FOCAD: variants seen among roughly 807,000 people sequenced by gnomAD.
FOCAD encodes the protein KIAA1797.
A neutral mutation model predicts 225.6 loss-of-function variants in FOCAD; 198 were observed. The observed-to-expected ratio is 0.88, with a 90% CI of 0.78 to 0.99. The LOEUF (loss-of-function observed/expected upper bound fraction) is 0.99, where lower values mean the gene tolerates loss of function less well. FOCAD is among the 50% of genes least tolerant of loss of function. The pLI is 0.00. For synonymous variants in FOCAD, 897 were observed against 755.0 expected, an observed-to-expected ratio of 1.19 and a Z score of -3.08; for missense variants, 2,713 against 2,123.6, an observed-to-expected ratio of 1.28 and a Z score of -5.46.
At chr9:20,656,040 T>C (rs1821470841), upstream of FOCAD, among the ~76,000 whole-genome samples, 1 of 151,750 alleles carries the variant, frequency 6.6e-6, no homozygotes. Context: ...ATGTACCCAG[T>C]AGTCATTCAG....
At chr9:20,882,398 T>C (rs1830751896) in intron 20 of FOCAD, among the ~76,000 whole-genome samples, 1 of 152,230 alleles carries the variant, frequency 6.6e-6, no homozygotes, top group Non-Finnish European at 1.5e-5. Flanking sequence ...GAGATTTTTC[T>C]CACAGGACAT....
rs535557225 is a variant in FOCAD at position 20,689,380 on chromosome 9, T to C, written c.-33+5087T>C. On this transcript the variant is annotated intron_variant, in intron 1 of 43. Transcript: ENST00000338382. ...GTGATCCTAATTTCCGAGGTTTAGATTGCCTATGGTGGTGATCACTATAGA... is the reference window on the plus strand; with the variant it reads ...GTGATCCTAATTTCCGAGGTTTAGACTGCCTATGGTGGTGATCACTATAGA... Among the ~76,000 whole-genome samples, 26 of 151,774 alleles carry C rather than the reference T, an allele frequency of 1.7e-4. No homozygotes were observed. The Middle Eastern group carries it at 0.014, about 79-fold the overall frequency.
intron 35 of FOCAD, among the ~76,000 whole-genome samples, chr9:20,964,768 T>C (rs1289510736): frequency 2.6e-5 from 4 of 152,134 alleles, no homozygotes; most frequent in African/African-American, 9.7e-5. Flanking sequence ...TCTCTTGACC[T>C]CATGATCCAT....
chr9:20,665,223 T>C (rs921834557), intron 2 of FOCAD, among the ~76,000 whole-genome samples: 4 of 152,166 alleles, frequency 2.6e-5, no homozygotes, highest in Admixed American at 6.5e-5. Context: ...TCTAAAGACC[T>C]AGAATAATTG....
At chr9:20,788,799 G>T (rs569772654) in intron 10 of FOCAD, among the ~76,000 whole-genome samples, 4 of 152,252 alleles carry the variant, frequency 2.6e-5, no homozygotes, top group African/African-American at 9.6e-5. Context: ...TATTGTTTCA[G>T]CTTAGAGCTG....
At chr9:20,724,017 G>C (rs781266285) in intron 4 of FOCAD, among the ~76,000 whole-genome samples, 3 of 152,074 alleles carry the variant, frequency 2.0e-5, no homozygotes, top group Non-Finnish European at 4.4e-5. Flanking sequence ...TAAATAACCA[G>C]ATCTCATGTG....
chr9:20,778,719 A>G lies in FOCAD; in HGVS notation c.945A>G (p.Leu315=), dbSNP rs754527415. Residue 315 remains leucine (L), a synonymous_variant, in exon 9 of 44, where the codon TTA becomes TTG. Transcript: ENST00000338382. ...AACTGGTCATAATTGGAATAGCTTT[A>G]CTACTTCTACAGACTCCAGCAAGTC... is the stretch of plus-strand genomic sequence containing the variant. The part of the protein sequence containing the change: ...PVELVIIGIA[L]LLLQTPASQQ... The G allele has an allele frequency of 5.6e-6, 9 of 1,612,508 alleles. No individual in the cohort carries two copies. In the South Asian group the frequency reaches 7.7e-5, roughly 14 times the overall value.
At chr9:20,709,265 A>G (rs973195272) in intron 1 of FOCAD, among the ~76,000 whole-genome samples, 9 of 152,194 alleles carry the variant, frequency 5.9e-5, no homozygotes, top group Non-Finnish European at 1.5e-5. Context: ...TTAGGTTTAG[A>G]CAGACAAAAA....
chr9:20,929,459 G>A lies in FOCAD; in HGVS notation c.3180G>A (p.Glu1060=). Residue 1060 remains glutamate, a synonymous_variant, in exon 27 of 44, where the codon GAG becomes GAA. Coordinates refer to ENST00000338382, the MANE Select transcript of FOCAD (RefSeq NM_001375567.1). ...LVPVFIISCK[E]KVEEILNMLT... ...CAGTTTTCATTATCTCTTGCAAAGAGAAGGTTGAGGAAATCCTGAACATGC... is the reference window on the plus strand; with the variant it reads ...CAGTTTTCATTATCTCTTGCAAAGAAAAGGTTGAGGAAATCCTGAACATGC... 6.2e-7 allele frequency: 1 copy of A among 1,614,154 alleles called. No homozygotes were observed. The highest frequency in any genetic ancestry group is 8.5e-7 in the Non-Finnish European group (1 of 1,180,028).
At chr9:20,810,495 G>A (rs1230470580) in intron 11 of FOCAD, among the ~76,000 whole-genome samples, 2 of 152,152 alleles carry the variant, frequency 1.3e-5, no homozygotes, top group Middle Eastern at 3.4e-3. Context: ...TAGAGCTCAC[G>A]TGGCAGAAAT....
chr9:20,957,834 A>G (rs1407286943), intron 35 of FOCAD, among the ~76,000 whole-genome samples: 1 of 151,642 alleles, frequency 6.6e-6, no homozygotes, highest in Non-Finnish European at 1.5e-5. Context: ...ATCGTTATGC[A>G]TATAGCTCTC....
At chr9:20,846,886 C>A (rs1827168875) in intron 15 of FOCAD, among the ~76,000 whole-genome samples, 1 of 152,056 alleles carries the variant, frequency 6.6e-6, no homozygotes, top group African/African-American at 2.4e-5. Flanking sequence ...TTTTTATAAA[C>A]ATCTTCACAG....
At chr9:20,810,959 T>G (rs1823000208) in intron 11 of FOCAD, among the ~76,000 whole-genome samples, 1 of 152,092 alleles carries the variant, frequency 6.6e-6, no homozygotes, top group Non-Finnish European at 1.5e-5. Flanking sequence ...GATGTTTATG[T>G]TTTTGGCATC....
intron 21 of FOCAD, among the ~76,000 whole-genome samples, chr9:20,890,198 A>G (rs1831493978): frequency 6.6e-6 from 1 of 151,866 alleles, no homozygotes; most frequent in African/African-American, 2.4e-5. Context: ...TGCACTATCT[A>G]GGGCCATCAT....
chr9:20,928,507 G>C (rs190558339), intron 26 of FOCAD, among the ~76,000 whole-genome samples: 18 of 152,290 alleles, frequency 1.2e-4, no homozygotes, highest in South Asian at 6.2e-4. Flanking sequence ...TTGGATAATA[G>C]TGAGGAATGA....
intron 21 of FOCAD, among the ~76,000 whole-genome samples, chr9:20,894,771 CTATGGCTTATCTAT>C: frequency 6.6e-6 from 1 of 152,130 alleles, no homozygotes; most frequent in South Asian, 2.1e-4. Flanking sequence ...TTCTTAGAGT[CTATGGCTTATCTAT>C]TCTCTTGACA....
At chr9:20,659,440 A>AAGAAAGAAAGAAAGACAGAC (rs71334544) in intron 2 of FOCAD, among the ~76,000 whole-genome samples, 17 of 145,188 alleles carry the variant, frequency 1.2e-4, no homozygotes, top group South Asian at 4.7e-4. Flanking sequence ...GAAAGAAAGA[A>AAGAAAGAAAGAAAGACAGAC]AGACAGACAG....
intron 11 of FOCAD, among the ~76,000 whole-genome samples, chr9:20,818,357 C>A (rs115361312): frequency 2.6e-5 from 4 of 152,008 alleles, no homozygotes; most frequent in Non-Finnish European, 2.9e-5. Flanking sequence ...TATCTTTTGA[C>A]GGACAAGCAT....
chr9:20,957,470 TTTC>T (rs1393784501), intron 35 of FOCAD: 1 of 106,140 alleles, frequency 9.4e-6, no homozygotes, highest in Non-Finnish European at 2.0e-5. Context: ...GTGAACATCT[TTTC>T]TTTTCTTTTT....
Sources: allele counts gnomAD v4.1 joint callset (sites outside exome capture counted in the v4.1 genomes callset), GRCh38; gene constraint gnomAD v4.1.1; transcripts MANE v1.5; gene names NCBI Gene and HGNC (gene_info 2026-07-23, HGNC 2026-07-21).